Variants in INTS9 observed in about 807,000 individuals in gnomAD.
INTS9 encodes protein related to CPSF subunits of 74 kDa.
INTS9 carries 55 observed loss-of-function variants against 79.7 expected under a neutral mutation model. The ratio of observed to expected loss-of-function variants is 0.69; its 90% CI spans 0.56 to 0.86. INTS9 has a LOEUF of 0.86. Among genes scored for constraint, INTS9 ranks in the 40% least tolerant of loss-of-function variants. INTS9 has a pLI of 0.00. For missense variants in INTS9, 721 were observed against 831.5 expected (o/e 0.87, Z 1.64); for synonymous variants, 319 against 325.2 (o/e 0.98, Z 0.20).
At chr8:28,877,422 T>C (rs992431633) in intron 1 of INTS9, among the ~76,000 whole-genome samples, 2 of 152,196 alleles carry the variant, frequency 1.3e-5, no homozygotes, top group Non-Finnish European at 2.9e-5. Context: ...GTTTGATCAT[T>C]ACATTGTAGT....
intron 1 of INTS9, among the ~76,000 whole-genome samples, chr8:28,877,419 C>T (rs748056496): frequency 3.3e-5 from 5 of 152,046 alleles, no homozygotes; most frequent in Non-Finnish European, 7.4e-5. Context: ...CAAGTTTGAT[C>T]ATTACATTGT....
chr8:28,882,885 G>A (rs1380035273), intron 1 of INTS9, among the ~76,000 whole-genome samples: 2 of 152,184 alleles, frequency 1.3e-5, no homozygotes, highest in East Asian at 3.8e-4. Context: ...ATTTAAACCT[G>A]TTGTTTTTCT....
intron 6 of INTS9, among the ~76,000 whole-genome samples, chr8:28,816,783 G>A (rs1445418902): frequency 1.3e-5 from 2 of 149,138 alleles, no homozygotes; most frequent in East Asian, 4.0e-4. Context: ...GTGTAAAAGT[G>A]TTCCTATTTC....
chr8:28,815,551 G>A (rs1805421056), intron 6 of INTS9, among the ~76,000 whole-genome samples: 1 of 152,118 alleles, frequency 6.6e-6, no homozygotes, highest in African/African-American at 2.4e-5. Context: ...TTTGGATTTT[G>A]GATTTGGGAT....
At chr8:28,878,089 A>G (rs912215403) in intron 1 of INTS9, among the ~76,000 whole-genome samples, 2 of 152,222 alleles carry the variant, frequency 1.3e-5, no homozygotes, top group African/African-American at 4.8e-5. Flanking sequence ...AGATATTTAT[A>G]TGAAATAATC....
rs751723162 is a variant in INTS9 at position 28,793,890 on chromosome 8, T to C, written c.954A>G (p.Ser318=). 1.2e-6 allele frequency: 2 copies of C among 1,613,776 alleles called. No individual in the cohort carries two copies. The highest frequency in any genetic ancestry group is 1.3e-5 in the African/African-American group (1 of 74,826). ...AGAGGGGGACGCTGGAAAGCCCGGC[T>C]GAGTCGATGTACTGATATAGGCACT... ...LLECLYQYID[S]AGLSSVPLYF... Residue 318 remains serine, a synonymous_variant, in exon 10 of 17, where the codon TCA becomes TCG. Coordinates refer to ENST00000521022, the MANE Select transcript of INTS9 (RefSeq NM_018250.4).
intron 6 of INTS9, among the ~76,000 whole-genome samples, chr8:28,814,571 T>C (rs979146024): frequency 2.6e-5 from 4 of 152,142 alleles, no homozygotes; most frequent in Non-Finnish European, 4.4e-5. Flanking sequence ...ACGAGATACT[T>C]AGAACCTTCC....
At chr8:28,778,773 G>C (rs1282498685) in intron 12 of INTS9, among the ~76,000 whole-genome samples, 3 of 152,202 alleles carry the variant, frequency 2.0e-5, no homozygotes, top group Non-Finnish European at 1.5e-5. Context: ...AGGGACCCTG[G>C]CTTAGGCACA....
At chr8:28,770,279 A>G (rs28437231) in intron 15 of INTS9, among the ~76,000 whole-genome samples, 2,754 of 152,240 alleles carry the variant, frequency 0.018, 75 homozygotes, top group African/African-American at 0.062. Flanking sequence ...TCCATTTTTA[A>G]ATTTTCAGGT....
chr8:28,881,399 C>T (rs1401112164), intron 1 of INTS9, among the ~76,000 whole-genome samples: 11 of 130,092 alleles, frequency 8.5e-5, no homozygotes, highest in East Asian at 5.0e-4. Flanking sequence ...CCCCTCTGCC[C>T]GGCCAGCCGC....
At chr8:28,856,417 TTTG>T (rs1271641502) in intron 2 of INTS9, among the ~76,000 whole-genome samples, 18 of 152,240 alleles carry the variant, frequency 1.2e-4, no homozygotes, top group African/African-American at 2.9e-4. Flanking sequence ...GAATTTTGTT[TTTG>T]TTGTTGTTTT....
intron 15 of INTS9, among the ~76,000 whole-genome samples, 155 bp downstream of exon 15, chr8:28,770,827 A>G (rs995659554): frequency 6.6e-6 from 1 of 152,206 alleles, no homozygotes; most frequent in Non-Finnish European, 1.5e-5. Context: ...GTGCGGCCTC[A>G]TCTCTGGGCA....
chr8:28,799,283 C>G (rs1001530487), intron 8 of INTS9: 2 of 152,976 alleles, frequency 1.3e-5, no homozygotes, highest in Non-Finnish European at 2.9e-5. Context: ...GCAACAAGAG[C>G]GAAACTCCGT....
chr8:28,881,171 A>AG (rs1413349478), intron 1 of INTS9, among the ~76,000 whole-genome samples: 8 of 124,474 alleles, frequency 6.4e-5, no homozygotes, highest in Admixed American at 2.4e-4. Context: ...CCGGGAGGTG[A>AG]GGGGCGCCTC....
At chr8:28,827,796 A>G (rs919426247) in intron 6 of INTS9, among the ~76,000 whole-genome samples, 1 of 152,246 alleles carries the variant, frequency 6.6e-6, no homozygotes, top group Non-Finnish European at 1.5e-5. Context: ...TCCTATGCTC[A>G]TGGAAAAATT....
intron 8 of INTS9, among the ~76,000 whole-genome samples, chr8:28,803,242 G>C (rs1804623094): frequency 6.6e-6 from 1 of 152,194 alleles, no homozygotes; most frequent in Non-Finnish European, 1.5e-5. Context: ...AGACAGAGTA[G>C]CCAAGAAGCT....
intron 12 of INTS9, among the ~76,000 whole-genome samples, chr8:28,778,357 A>C (rs2130881288): frequency 6.6e-6 from 1 of 152,382 alleles, no homozygotes; most frequent in Middle Eastern, 3.4e-3. Flanking sequence ...GAGGGAGAAC[A>C]GAATATGTAT....
chr8:28,787,889 C>A lies in INTS9; in HGVS notation c.1038G>T (p.Trp346Cys). The A allele has an allele frequency of 6.3e-7, 1 of 1,592,520 alleles. No homozygotes were observed. Among genetic ancestry groups the A allele is most frequent in the Non-Finnish European group, 8.6e-7 (1 of 1,163,806 alleles). The change falls in exon 11 of 17, where the codon TGG (tryptophan) becomes TGT (cysteine). Residue 346 changes from tryptophan to cysteine, a missense_variant and splice_region_variant. Physicochemically the swap from Trp to Cys is radical, Grantham distance 215. Coordinates refer to ENST00000521022, the MANE Select transcript of INTS9 (RefSeq NM_018250.4). Reference protein sequence around the residue: ...SLEFSQIFAEWLCHNKQSKVY... With the variant: ...SLEFSQIFAECLCHNKQSKVY... ...CCTTACTCTGTTTGTTGTGACAAAG[C>A]CTATTAAAGAGGAAAAACACATCAG...
chr8:28,823,142 T>C (rs758956601), intron 6 of INTS9, among the ~76,000 whole-genome samples: 1 of 152,150 alleles, frequency 6.6e-6, no homozygotes, highest in Non-Finnish European at 1.5e-5. Flanking sequence ...CTATGGAGAC[T>C]GAACATGATG....
Sources: gnomAD v4.1 joint callset for allele counts (sites outside exome capture counted in the v4.1 genomes callset) on GRCh38, gnomAD v4.1.1 for gene constraint, MANE v1.5 for transcripts, NCBI Gene and HGNC (gene_info 2026-07-23, HGNC 2026-07-21) for gene names.